DDX27: variants seen among roughly 807,000 people sequenced by gnomAD.
The protein encoded by DDX27 is probable ATP-dependent RNA helicase DDX27.
DDX27 carries 42 observed loss-of-function variants against 99.3 expected under a neutral mutation model. That is an observed-to-expected ratio of 0.42 (90% CI 0.33 to 0.55). The LOEUF is 0.55. Among genes scored for constraint, DDX27 ranks in the 20% least tolerant of loss-of-function variants. The pLI, the probability that DDX27 is intolerant of heterozygous loss-of-function variation, is 0.07. For missense variants in DDX27, 798 were observed against 976.8 expected (o/e 0.82, Z 2.44); for synonymous variants, 329 against 353.8 (o/e 0.93, Z 0.79).
intron 12 of DDX27, 109 bp downstream of exon 12, chr20:49,235,197 T>A: frequency 7.7e-7 from 1 of 1,290,754 alleles, no homozygotes; most frequent in Non-Finnish European, 1.0e-6. Flanking sequence ...AGGGGACACA[T>A]AGCATGATCT....
chr20:49,233,394 A>G lies in DDX27; in HGVS notation c.1120A>G (p.Met374Val). The change falls in exon 10 of 21, where the codon ATG (methionine) becomes GTG (valine). Residue 374 changes from methionine (M) to valine (V), a missense_variant. Physicochemically the swap from Met to Val is conservative, Grantham distance 21. Coordinates refer to ENST00000618172, the MANE Select transcript of DDX27 (RefSeq NM_017895.8). ...CCAGACCATGCTCTTCTCGGCCACC[A>G]TGACAGACGAGGTGGGCCGAGGGAC... ...HRQTMLFSAT[M>V]TDEVKDLASV... 3.7e-6 allele frequency: 6 copies of G among 1,613,986 alleles called. No individual in the cohort carries two copies. The highest frequency in any genetic ancestry group is 5.1e-6 in the Non-Finnish European group (6 of 1,179,994).
chr20:49,233,440 G>T (rs763286151), intron 10 of DDX27, 35 bp downstream of exon 10: 3 of 1,609,824 alleles, frequency 1.9e-6, no homozygotes, highest in Non-Finnish European at 2.5e-6. Flanking sequence ...CGGGTGGCAG[G>T]TGTGCCCAGA....
In DDX27 at chr20:49,221,544, G is replaced by T. The variant is rs1466059289; in HGVS notation, c.186G>T (p.Gly62=). ...NPDFVFTEKE[G]TYDGSWALAD... ...ATTTCGTTTTCACTGAGAAGGAGGGGACGTACGATGGCAGCTGGGCCCTGG... is the reference window on the plus strand; with the variant it reads ...ATTTCGTTTTCACTGAGAAGGAGGGTACGTACGATGGCAGCTGGGCCCTGG... Residue 62 remains glycine, a synonymous_variant, in exon 2 of 21, where the codon GGG becomes GGT. Coordinates refer to ENST00000618172, the MANE Select transcript of DDX27 (RefSeq NM_017895.8). 3.1e-6 allele frequency: 5 copies of T among 1,613,428 alleles called. No individual in the cohort carries two copies. The highest frequency in any genetic ancestry group is 4.2e-6 in the Non-Finnish European group (5 of 1,179,762).
At chr20:49,234,674 T>A in intron 11 of DDX27, 1 of 342,946 alleles carries the variant, frequency 2.9e-6, no homozygotes, top group East Asian at 4.9e-5. Context: ...ATCTGCCTTG[T>A]CATTCAACCT....
rs758010745 is a variant in DDX27, at chr20:49,239,144, C to T, written c.1794+89C>T. The T allele has an allele frequency of 5.9e-6, 9 of 1,522,552 alleles. No individual in the cohort carries two copies. The South Asian group carries it at 1.0e-4, about 17-fold the overall frequency. The allele number at this position is 1,522,552 out of a possible 1,614,324, so 94.3% of individuals were successfully genotyped here. A position where few individuals can be genotyped will look rare whatever the true frequency, so the allele number is the denominator to read the frequency against. On this transcript the variant is annotated intron_variant, in intron 15 of 20. Coordinates refer to ENST00000618172, the MANE Select transcript of DDX27 (RefSeq NM_017895.8). ...CTGGTGCTGCCCTTCTGAAATGTTT[C>T]TCCCATCAGAGCCCCAGGCATTTGC... is the stretch of plus-strand genomic sequence containing the variant.
At chr20:49,231,986 G>A (rs1980129948) in intron 9 of DDX27, among the ~76,000 whole-genome samples, 1 of 151,470 alleles carries the variant, frequency 6.6e-6, no homozygotes, top group South Asian at 2.1e-4. Context: ...CTAGACTCAG[G>A]TGATCCTCCC....
At chr20:49,222,892 AGTTT>A in intron 2 of DDX27, 61 bp from the exon 3 acceptor site, 1 of 1,375,388 alleles carries the variant, frequency 7.3e-7, no homozygotes, top group East Asian at 2.4e-5. Flanking sequence ...AATTATGAAG[AGTTT>A]GTTCTCTTAT....
chr20:49,233,841 A>C, intron 11 of DDX27, 132 bp downstream of exon 11: 1 of 963,358 alleles, frequency 1.0e-6, no homozygotes, highest in Non-Finnish European at 1.5e-6. Flanking sequence ...GCTGCACTGC[A>C]CTAATGATGA....
chr20:49,223,530 A>T, intron 4 of DDX27, 97 bp downstream of exon 4: 6 of 1,170,692 alleles, frequency 5.1e-6, no homozygotes, highest in Non-Finnish European at 5.9e-6. Flanking sequence ...TGCACAGTTT[A>T]TCTTTAAGCT....
chr20:49,241,589 C>G (rs1427008409), intron 16 of DDX27, among the ~76,000 whole-genome samples: 1 of 151,942 alleles, frequency 6.6e-6, no homozygotes, highest in Non-Finnish European at 1.5e-5. Context: ...TCTCTCACCT[C>G]AGCCTCCCAA....
intron 6 of DDX27, among the ~76,000 whole-genome samples, chr20:49,225,867 A>G (rs1160301346): frequency 6.6e-6 from 1 of 151,986 alleles, no homozygotes. Flanking sequence ...ATTGACCTAC[A>G]AGGCTCTGCC....
intron 3 of DDX27, 79 bp downstream of exon 3, chr20:49,223,095 C>A: frequency 6.8e-7 from 1 of 1,468,714 alleles, no homozygotes; most frequent in Non-Finnish European, 9.4e-7. Context: ...TCTCTGGAAG[C>A]CCTTATAGAG....
At chr20:49,238,718 T>A (rs1980380662) in intron 14 of DDX27, 1 of 510,796 alleles carries the variant, frequency 2.0e-6, no homozygotes, top group Non-Finnish European at 3.5e-6. Flanking sequence ...TCCACCTGCC[T>A]TGGCCTCCCA....
In DDX27 at chr20:49,219,456, C is replaced by G. The variant is rs775695932; in HGVS notation, c.8C>G (p.Ala3Gly). ...AGTGGCTTCTGCGACAACATGCTTG[C>G]GGACCTCGGCTTAATCGGAACCATA... ML[A>G]DLGLIGTIGE... is the part of the protein sequence containing the mutation. The change falls in exon 1 of 21, where the codon GCG becomes GGG. Residue 3 changes from alanine (A) to glycine (G), a missense_variant. By Grantham distance (60) the Ala-to-Gly change is moderately conservative (BLOSUM62 0). This residue lies in a region of DDX27 where 245 missense variants were observed against 248.8 expected (regional missense o/e 0.98). Transcript: ENST00000618172. The G allele has an allele frequency of 1.9e-6, 3 of 1,614,068 alleles. No individual in the cohort carries two copies. In the African/African-American group the frequency reaches 4.0e-5, roughly 22 times the overall value.
In DDX27 at chr20:49,225,123, G is replaced by C. The variant is rs11553387; in HGVS notation, c.524G>C (p.Gly175Ala). ...KKKKKGQEAG[G>A]FFEDASQYDE... ...GGTTTTCTGGTGTAGGAAGCAGGAG[G>C]ATTTTTTGAAGATGCATCTCAGTAC... Residue 175 changes from glycine to alanine, a missense_variant, in exon 6 of 21, where the codon GGA (glycine) becomes GCA (alanine). Physicochemically the swap from Gly to Ala is moderately conservative, Grantham distance 60. Around this residue, in one of 2 missense-constraint regions of DDX27, gnomAD observed 245 missense variants for 248.8 expected, o/e 0.98. Transcript: ENST00000618172. The C allele has an allele frequency of 6.2e-7, 1 of 1,613,700 alleles. No homozygotes were observed.
chr20:49,219,511 C>T lies in DDX27; in HGVS notation c.63C>T (p.Pro21=). 6.2e-7 allele frequency: 1 copy of T among 1,613,806 alleles called. No homozygotes were observed. The highest frequency in any genetic ancestry group is 8.5e-7 in the Non-Finnish European group (1 of 1,179,870). Residue 21 remains proline, a synonymous_variant, in exon 1 of 21, where the codon CCC becomes CCT. Coordinates refer to ENST00000618172, the MANE Select transcript of DDX27 (RefSeq NM_017895.8). ...IGEDDEVPVE[P]ESDSGDEEEE... ...AGGATGACGAGGTGCCGGTGGAGCC[C>T]GAGTCTGACTCCGGGGACGAGGAAG...
chr20:49,229,056 A>G (rs1980005139), intron 8 of DDX27, among the ~76,000 whole-genome samples, 168 bp downstream of exon 8: 1 of 124,484 alleles, frequency 8.0e-6, no homozygotes, highest in Non-Finnish European at 1.6e-5. Flanking sequence ...TTTTTTTGAG[A>G]CGGAGGAGTC....
chr20:49,243,820 A>T lies in DDX27; in HGVS notation c.2284A>T (p.Lys762Ter). 6.2e-7 allele frequency: 1 copy of T among 1,614,168 alleles called. No homozygotes were observed. Among genetic ancestry groups the T allele is most frequent in the Admixed American group, 1.7e-5 (1 of 60,016 alleles). ...GGNFKSKSRY[K>*]RRK Reference sequence around the variant, plus strand: ...TTAACTCTGATTTTCTTACAGATACAAGAGGAGGAAGTAGCTGTCGTGGCC... The same window carrying T: ...TTAACTCTGATTTTCTTACAGATACTAGAGGAGGAAGTAGCTGTCGTGGCC... The change falls in exon 21 of 21, where the codon AAG (lysine) becomes TAG (stop). Residue 762 changes from lysine to a stop codon, truncating the protein, a stop_gained. Coordinates refer to ENST00000618172, the MANE Select transcript of DDX27 (RefSeq NM_017895.8). LOFTEE classifies it high-confidence loss of function.
intron 17 of DDX27, 22 bp from the exon 18 acceptor site, chr20:49,242,061 C>T (rs778769570): frequency 4.3e-6 from 7 of 1,614,178 alleles, no homozygotes; most frequent in Middle Eastern, 1.6e-4. Context: ...GTTCCACACT[C>T]ACACCTCCCC....
Sources: gnomAD v4.1 joint callset for allele counts (sites outside exome capture counted in the v4.1 genomes callset) on GRCh38, gnomAD v4.1.1 for gene constraint, gnomAD v4.1.1 regional missense constraint, MANE v1.5 for transcripts, NCBI Gene and HGNC (gene_info 2026-07-23, HGNC 2026-07-21) for gene names.